The following LDLRAD3 variants were observed in gnomAD, a reference collection of about 807,000 sequenced individuals.
The protein encoded by LDLRAD3 is low density lipoprotein receptor class A domain containing 3, also known as low-density lipoprotein receptor class A domain-containing protein 3.
A neutral mutation model predicts 29.4 loss-of-function variants in LDLRAD3; 20 were observed. That is an observed-to-expected ratio of 0.68 (90% confidence interval 0.48 to 0.99). The LOEUF is 0.99. Among genes scored for constraint, LDLRAD3 ranks in the 50% least tolerant of loss-of-function variants. LDLRAD3 has a pLI of 0.00. For synonymous variants in LDLRAD3, 157 were observed against 192.7 expected, an observed-to-expected ratio of 0.81 and a Z score of 1.53; for missense variants, 420 against 454.3, an observed-to-expected ratio of 0.92 and a Z score of 0.69.
At chr11:35,971,721 T>C (rs1851414535) in intron 1 of LDLRAD3, among the ~76,000 whole-genome samples, 1 of 152,134 alleles carries the variant, frequency 6.6e-6, no homozygotes, top group South Asian at 2.1e-4. Flanking sequence ...AAAAGATGAA[T>C]TGAGCCTCAG....
chr11:36,033,151 G>A (rs1302340479), intron 1 of LDLRAD3, among the ~76,000 whole-genome samples: 1 of 152,162 alleles, frequency 6.6e-6, no homozygotes, highest in Non-Finnish European at 1.5e-5. Flanking sequence ...GTGATTACAG[G>A]TGTGAGCTAC....
intron 2 of LDLRAD3, among the ~76,000 whole-genome samples, chr11:36,048,308 TGAG>T (rs1256974542): frequency 2.6e-5 from 4 of 152,226 alleles, no homozygotes; most frequent in Non-Finnish European, 5.9e-5. Flanking sequence ...AGTCTGGTTC[TGAG>T]GAGTGGGCTG....
At chr11:35,984,725 G>A (rs1299837164) in intron 1 of LDLRAD3, among the ~76,000 whole-genome samples, 7 of 152,010 alleles carry the variant, frequency 4.6e-5, no homozygotes, top group African/African-American at 1.2e-4. Flanking sequence ...TCCGCCTTCC[G>A]GGGTCAAGCG....
chr11:36,105,407 G>A (rs2133281647), intron 4 of LDLRAD3, among the ~76,000 whole-genome samples: 1 of 152,104 alleles, frequency 6.6e-6, no homozygotes, highest in South Asian at 2.1e-4. Context: ...AGTGGTCTTG[G>A]CCCCTTGTTG....
chr11:36,011,630 T>A (rs189144282), intron 1 of LDLRAD3, among the ~76,000 whole-genome samples: 269 of 152,256 alleles, frequency 1.8e-3, no homozygotes, highest in Middle Eastern at 3.4e-3. Flanking sequence ...AATTGTAACT[T>A]ATGTATTCTT....
chr11:35,982,574 C>T (rs767030985), intron 1 of LDLRAD3, among the ~76,000 whole-genome samples: 2 of 152,138 alleles, frequency 1.3e-5, no homozygotes, highest in Non-Finnish European at 2.9e-5. Flanking sequence ...CACAAAGTAG[C>T]CTACTCATGA....
At chr11:36,117,030 G>A (rs923789601) in intron 4 of LDLRAD3, among the ~76,000 whole-genome samples, 1 of 151,840 alleles carries the variant, frequency 6.6e-6, no homozygotes, top group African/African-American at 2.4e-5. Flanking sequence ...TTATAGAGGT[G>A]GGGTTTCACC....
chr11:36,113,561 A>G (rs1458406876), intron 4 of LDLRAD3, among the ~76,000 whole-genome samples: 3 of 152,126 alleles, frequency 2.0e-5, no homozygotes, highest in Non-Finnish European at 4.4e-5. Flanking sequence ...TGATCATGAC[A>G]TATTCACATG....
Position 35,950,854 on chromosome 11 carries a change from T to A in LDLRAD3, c.46+6710T>A, listed in dbSNP as rs145394982. Among the ~76,000 whole-genome samples the A allele has an allele frequency of 1.3e-3, 192 of 152,110 alleles. 4 individuals carry two copies. The highest frequency in any genetic ancestry group is 7.3e-3 in the South Asian group (35 of 4,810). On this transcript the variant is annotated intron_variant, in intron 1 of 5. Coordinates refer to ENST00000315571, the MANE Select transcript of LDLRAD3 (RefSeq NM_174902.4). ...ATCCCAGCACTTTGGGGGGCCGAGG[T>A]GGGCGGATCACGAAGTCAGAAGATC...
chr11:36,051,491 A>C (rs145331122), intron 2 of LDLRAD3, among the ~76,000 whole-genome samples: 1 of 152,368 alleles, frequency 6.6e-6, no homozygotes, highest in Non-Finnish European at 1.5e-5. Flanking sequence ...CGGGCTGGTG[A>C]AGATTAAATG....
intron 1 of LDLRAD3, among the ~76,000 whole-genome samples, chr11:36,034,989 C>G (rs1003372159): frequency 6.6e-6 from 1 of 152,158 alleles, no homozygotes; most frequent in Non-Finnish European, 1.5e-5. Flanking sequence ...TACCCCGAGG[C>G]GGGTCTAGAC....
intron 4 of LDLRAD3, among the ~76,000 whole-genome samples, chr11:36,140,050 T>C (rs775360439): frequency 9.9e-5 from 15 of 152,192 alleles, no homozygotes; most frequent in Non-Finnish European, 1.9e-4. Flanking sequence ...AAAGTAAATA[T>C]TCCCTCTGGC....
chr11:36,176,427 G>C (rs1233807870), intron 4 of LDLRAD3, among the ~76,000 whole-genome samples: 1 of 151,170 alleles, frequency 6.6e-6, no homozygotes, highest in East Asian at 1.9e-4. Context: ...TATGCTTTTT[G>C]GAAGTTCTAT....
intron 4 of LDLRAD3, among the ~76,000 whole-genome samples, chr11:36,203,051 C>G (rs1043288576): frequency 6.6e-6 from 1 of 152,158 alleles, no homozygotes; most frequent in African/African-American, 2.4e-5. Context: ...ATCCTCCCTC[C>G]TTAGCCTCCT....
chr11:35,969,820 C>A (rs533378874), intron 1 of LDLRAD3, among the ~76,000 whole-genome samples: 2 of 152,316 alleles, frequency 1.3e-5, no homozygotes, highest in Admixed American at 6.5e-5. Context: ...GTGGGGCCCA[C>A]GTGCATGCGT....
At chr11:36,222,584 C>T (rs1442023588) in intron 4 of LDLRAD3, among the ~76,000 whole-genome samples, 1 of 151,914 alleles carries the variant, frequency 6.6e-6, no homozygotes, top group Non-Finnish European at 1.5e-5. Context: ...AAAATGGTAT[C>T]CGGTAGGAAA....
intron 2 of LDLRAD3, among the ~76,000 whole-genome samples, chr11:36,068,733 G>T (rs1408410733): frequency 6.6e-6 from 1 of 152,130 alleles, no homozygotes; most frequent in Non-Finnish European, 1.5e-5. Context: ...AGCCAGGATG[G>T]TCTCGATCTC....
chr11:36,120,687 C>T (rs1362011910), intron 4 of LDLRAD3, among the ~76,000 whole-genome samples: 7 of 152,070 alleles, frequency 4.6e-5, no homozygotes, highest in Non-Finnish European at 8.8e-5. Context: ...CCTCCAGATG[C>T]CAGTCTACAC....
chr11:36,101,007 A>G (rs1022731981), intron 4 of LDLRAD3, among the ~76,000 whole-genome samples: 7 of 152,170 alleles, frequency 4.6e-5, no homozygotes, highest in Non-Finnish European at 8.8e-5. Context: ...CGTCCCATAA[A>G]TATGAGGTTT....
Sources: gnomAD v4.1 joint callset for allele counts (sites outside exome capture counted in the v4.1 genomes callset) on GRCh38, gnomAD v4.1.1 for gene constraint, MANE v1.5 for transcripts, NCBI Gene and HGNC (gene_info 2026-07-23, HGNC 2026-07-21) for gene names.